The following CDH12 variants were observed in gnomAD, a reference collection of about 807,000 sequenced individuals.
CDH12 encodes cadherin-12.
In CDH12, 41 loss-of-function variants were observed where a neutral mutation model predicts 74.1. The ratio of observed to expected loss-of-function variants is 0.55; its 90% confidence interval spans 0.43 to 0.72. CDH12 has a LOEUF of 0.72. Ranked by LOEUF, CDH12 falls within the 30% of genes least tolerant of loss-of-function variation. The pLI, the probability that CDH12 is intolerant of heterozygous loss-of-function variation, is 0.00. For synonymous variants in CDH12, 399 were observed against 355.0 expected (o/e 1.12, Z -1.39); for missense variants, 945 against 977.2 (o/e 0.97, Z 0.44).
At chr5:22,493,150 A>T (rs2126643504) in intron 2 of CDH12, among the ~76,000 whole-genome samples, 1 of 152,258 alleles carries the variant, frequency 6.6e-6, no homozygotes, top group African/African-American at 2.4e-5. Context: ...AGTTACTCGT[A>T]TCTTGGCTTA....
intron 5 of CDH12, among the ~76,000 whole-genome samples, chr5:21,999,239 T>C (rs938012324): frequency 5.3e-5 from 8 of 152,144 alleles, no homozygotes; most frequent in African/African-American, 1.9e-4. Flanking sequence ...CATTCAGTAT[T>C]CTCTGGGTGC....
At chr5:22,456,242 ATATGTG>A (rs1428878626) in intron 2 of CDH12, among the ~76,000 whole-genome samples, 55 of 85,110 alleles carry the variant, frequency 6.5e-4, no homozygotes, top group African/African-American at 2.4e-3. Context: ...TTGTCTATAT[ATATGTG>A]TGTGTGTGTG....
At chr5:22,589,442 T>G (rs989357982) in intron 1 of CDH12, among the ~76,000 whole-genome samples, 1 of 152,204 alleles carries the variant, frequency 6.6e-6, no homozygotes, top group African/African-American at 2.4e-5. Context: ...AAGCTAAACC[T>G]GTCACGTTGT....
chr5:22,826,619 AG>A (rs781490629), intron 1 of CDH12, among the ~76,000 whole-genome samples: 7 of 152,182 alleles, frequency 4.6e-5, no homozygotes, highest in Non-Finnish European at 8.8e-5. Flanking sequence ...GTGAATAATA[AG>A]GTCCAGGCTA....
intron 3 of CDH12, among the ~76,000 whole-genome samples, chr5:22,223,136 T>G (rs1752077656): frequency 6.6e-6 from 1 of 152,016 alleles, no homozygotes; most frequent in South Asian, 2.1e-4. Flanking sequence ...GTTCAGTGTA[T>G]TTTAGAAGAG....
chr5:21,852,639 T>A (rs1750532763), intron 7 of CDH12, among the ~76,000 whole-genome samples: 1 of 151,520 alleles, frequency 6.6e-6, no homozygotes, highest in Admixed American at 6.6e-5. Flanking sequence ...ATTAAATTCT[T>A]AATGCTAAAT....
intron 1 of CDH12, among the ~76,000 whole-genome samples, chr5:22,727,592 T>G (rs1317330470): frequency 6.6e-6 from 1 of 151,798 alleles, no homozygotes; most frequent in Non-Finnish European, 1.5e-5. Flanking sequence ...CTTTGCAATA[T>G]ACTCTAGAGT....
intron 1 of CDH12, among the ~76,000 whole-genome samples, chr5:22,838,347 G>A (rs1736925430): frequency 6.6e-6 from 1 of 152,056 alleles, no homozygotes; most frequent in Admixed American, 6.6e-5. Flanking sequence ...TGGTTCACCT[G>A]CACCCGTGCT....
chr5:22,767,147 T>C (rs1305851356), intron 1 of CDH12, among the ~76,000 whole-genome samples: 2 of 152,074 alleles, frequency 1.3e-5, no homozygotes, highest in Admixed American at 6.6e-5. Context: ...ATCCACCTTG[T>C]CTAGGATTGA....
At chr5:22,260,817 A>G (rs1174957100) in intron 3 of CDH12, among the ~76,000 whole-genome samples, 1 of 151,974 alleles carries the variant, frequency 6.6e-6, no homozygotes, top group African/African-American at 2.4e-5. Flanking sequence ...ACATTTGGTA[A>G]AAATCAAATT....
At chr5:22,184,195 A>T (rs2150340159) in intron 4 of CDH12, among the ~76,000 whole-genome samples, 1 of 152,262 alleles carries the variant, frequency 6.6e-6, no homozygotes, top group Admixed American at 6.5e-5. Context: ...GAGGACTAAG[A>T]CAATAAATCC....
intron 3 of CDH12, among the ~76,000 whole-genome samples, chr5:22,283,147 T>G (rs1297795643): frequency 6.7e-6 from 1 of 150,038 alleles, no homozygotes; most frequent in Admixed American, 6.7e-5. Context: ...TAGAAATGTT[T>G]GATAATAATG....
intron 3 of CDH12, among the ~76,000 whole-genome samples, chr5:22,237,738 A>G (rs1279870655): frequency 6.6e-6 from 1 of 152,228 alleles, no homozygotes; most frequent in Non-Finnish European, 1.5e-5. Flanking sequence ...TGTATCCATG[A>G]GGTGCATATA....
At chr5:21,908,923 A>G (rs1386932441) in intron 6 of CDH12, among the ~76,000 whole-genome samples, 2 of 152,196 alleles carry the variant, frequency 1.3e-5, no homozygotes, top group African/African-American at 2.4e-5. Flanking sequence ...AGTGTAAAAA[A>G]AAAATTATTT....
chr5:22,232,440 T>G (rs530372736), intron 3 of CDH12, among the ~76,000 whole-genome samples: 1 of 152,054 alleles, frequency 6.6e-6, no homozygotes, highest in South Asian at 2.1e-4. Flanking sequence ...TTTAGTACAT[T>G]TACTTTAAAT....
intron 1 of CDH12, among the ~76,000 whole-genome samples, chr5:22,793,646 T>C (rs1748035328): frequency 2.0e-5 from 3 of 152,316 alleles, no homozygotes; most frequent in Middle Eastern, 3.4e-3. Flanking sequence ...TCTAACATTC[T>C]TATTTAGCAA....
At position 22,273,581 on chromosome 5, in the gene CDH12, G is replaced by T. The variant is rs369029970; in HGVS notation, c.-332-60938C>A. Among the ~76,000 whole-genome samples the T allele has an allele frequency of 1.9e-4, 29 of 152,248 alleles. No homozygotes were observed. The South Asian group carries it at 6.0e-3, about 32-fold the overall frequency. ...CAATGATATAGTTTGCATTGTTTCTGTATGATTGATGAGAACTCTCAGCGT... is the reference window on the plus strand; with the variant it reads ...CAATGATATAGTTTGCATTGTTTCTTTATGATTGATGAGAACTCTCAGCGT... On this transcript the variant is annotated intron_variant, in intron 3 of 14. Transcript: ENST00000382254.
intron 3 of CDH12, among the ~76,000 whole-genome samples, chr5:22,368,127 T>C (rs1741110413): frequency 6.6e-6 from 1 of 152,104 alleles, no homozygotes; most frequent in South Asian, 2.1e-4. Context: ...TTAAACTAAA[T>C]ATATATTCAT....
intron 1 of CDH12, among the ~76,000 whole-genome samples, chr5:22,698,821 C>A (rs1044216802): frequency 2.8e-5 from 4 of 143,830 alleles, no homozygotes; most frequent in Admixed American, 7.1e-5. Context: ...GGCAGTTCAA[C>A]AATAAAAACT....
Sources: gnomAD v4.1 joint callset for allele counts (sites outside exome capture counted in the v4.1 genomes callset) on GRCh38, gnomAD v4.1.1 for gene constraint, MANE v1.5 for transcripts, NCBI Gene and HGNC (gene_info 2026-07-23, HGNC 2026-07-21) for gene names.